The following IQCJ variants were observed in gnomAD, a reference collection of about 807,000 sequenced individuals.
IQCJ encodes IQ motif containing J.
IQCJ carries 9 observed loss-of-function variants against 11.0 expected under a neutral mutation model. The ratio of observed to expected loss-of-function variants is 0.82; its 90% confidence interval spans 0.49 to 1.43. The LOEUF (loss-of-function observed/expected upper bound fraction) is 1.43, where lower values mean the gene tolerates loss of function less well. Ranked by LOEUF, IQCJ falls within the 40% of genes most tolerant of loss-of-function variation. IQCJ has a pLI of 0.00. For synonymous variants in IQCJ, 55 were observed against 51.3 expected (o/e 1.07, Z -0.31); for missense variants, 146 against 133.2 (o/e 1.10, Z -0.47).
chr3:159,148,623 A>G (rs538680137), intron 1 of IQCJ, among the ~76,000 whole-genome samples: 1 of 152,320 alleles, frequency 6.6e-6, no homozygotes, highest in East Asian at 1.9e-4. Flanking sequence ...GAGAAGTCCT[A>G]TTTACCTCTT....
downstream of IQCJ, chr3:159,265,286 G>A (rs752786186): frequency 6.2e-7 from 1 of 1,613,742 alleles, no homozygotes; most frequent in African/African-American, 1.3e-5. Flanking sequence ...GGGACAAGTT[G>A]CCTGGTGGAA....
intron 1 of IQCJ, among the ~76,000 whole-genome samples, chr3:159,233,510 G>A (rs1418305633): frequency 6.6e-6 from 1 of 152,170 alleles, no homozygotes; most frequent in East Asian, 1.9e-4. Context: ...AAGAGTCTGA[G>A]ATACATAATA....
chr3:159,156,961 C>T (rs1450227314), intron 1 of IQCJ, among the ~76,000 whole-genome samples: 1 of 152,180 alleles, frequency 6.6e-6, no homozygotes, highest in African/African-American at 2.4e-5. Context: ...TAACCTACAC[C>T]TGGCTGTTTT....
intron 1 of IQCJ, among the ~76,000 whole-genome samples, chr3:159,091,648 A>ACACACACACACACACG (rs1717295435): frequency 2.5e-4 from 4 of 16,068 alleles, no homozygotes; most frequent in African/African-American, 6.6e-4. Context: ...AGGGGTATTT[A>ACACACACACACACACG]CACACACACA....
intron 1 of IQCJ, among the ~76,000 whole-genome samples, chr3:159,146,196 G>C (rs1199993566): frequency 1.3e-5 from 2 of 152,172 alleles, no homozygotes; most frequent in Non-Finnish European, 2.9e-5. Context: ...AAAGGCAGGA[G>C]CTGAACTTGG....
intron 1 of IQCJ, among the ~76,000 whole-genome samples, chr3:159,162,777 A>G (rs941150273): frequency 8.5e-5 from 13 of 152,372 alleles, no homozygotes; most frequent in African/African-American, 3.1e-4. Context: ...AACTACCGTC[A>G]GAGAATACTA....
chr3:159,149,206 T>C (rs73027690), intron 1 of IQCJ, among the ~76,000 whole-genome samples: 5,879 of 152,312 alleles, frequency 0.039, 394 homozygotes, highest in African/African-American at 0.13. Flanking sequence ...CAGATTCTGC[T>C]TTATTGACTG....
At chr3:159,249,171 C>A (rs146805642) in intron 2 of IQCJ, among the ~76,000 whole-genome samples, 1 of 151,982 alleles carries the variant, frequency 6.6e-6, no homozygotes, top group East Asian at 1.9e-4. Flanking sequence ...TTGATCTTAA[C>A]GTAGGAAATG....
intron 1 of IQCJ, among the ~76,000 whole-genome samples, chr3:159,079,053 A>G (rs1190079756): frequency 1.3e-5 from 2 of 152,068 alleles, no homozygotes; most frequent in Non-Finnish European, 2.9e-5. Flanking sequence ...GTCTACTTGG[A>G]GGTGACAGCC....
At chr3:159,154,559 AG>A (rs1377417671) in intron 1 of IQCJ, among the ~76,000 whole-genome samples, 3 of 152,130 alleles carry the variant, frequency 2.0e-5, no homozygotes, top group Admixed American at 6.5e-5. Flanking sequence ...CACCTCTACA[AG>A]GGGGCCTTCT....
intron 1 of IQCJ, among the ~76,000 whole-genome samples, chr3:159,179,840 G>A (rs555749787): frequency 6.6e-6 from 1 of 152,290 alleles, no homozygotes; most frequent in African/African-American, 2.4e-5. Context: ...AAGTGGAAGA[G>A]CCCAATTCAA....
chr3:159,069,613 G>A (rs1715404173), intron 1 of IQCJ, 172 bp downstream of exon 1: 1 of 828,126 alleles, frequency 1.2e-6, no homozygotes, highest in Admixed American at 2.8e-5. Context: ...ATGTGTCCTT[G>A]TTAATGTAGG....
At chr3:159,252,702 A>T (rs1459104579) in intron 2 of IQCJ, 25 bp from the exon 3 acceptor site, 4 of 1,604,240 alleles carry the variant, frequency 2.5e-6, no homozygotes, top group Middle Eastern at 3.3e-4. Context: ...ATTGGGAGAT[A>T]TTGAGACATT....
chr3:159,111,667 G>A (rs1233743765), intron 1 of IQCJ, among the ~76,000 whole-genome samples: 5 of 152,150 alleles, frequency 3.3e-5, no homozygotes, highest in Admixed American at 6.5e-5. Context: ...TCACATGGTG[G>A]AATGCATCTG....
At chr3:159,164,263 G>A (rs1245989123) in intron 1 of IQCJ, among the ~76,000 whole-genome samples, 1 of 152,060 alleles carries the variant, frequency 6.6e-6, no homozygotes, top group Non-Finnish European at 1.5e-5. Flanking sequence ...GAAACTCTCA[G>A]GTTATACTTC....
At chr3:159,211,600 G>A (rs1724954932) in intron 1 of IQCJ, among the ~76,000 whole-genome samples, 1 of 152,156 alleles carries the variant, frequency 6.6e-6, no homozygotes, top group Non-Finnish European at 1.5e-5. Flanking sequence ...AGTAAGAATG[G>A]CAATTGACAA....
downstream of IQCJ, chr3:159,263,800 A>T: frequency 1.3e-5 from 13 of 985,336 alleles, no homozygotes; most frequent in Non-Finnish European, 1.3e-5. Flanking sequence ...AGTTTATAGC[A>T]GTGCAAATAA....
At chr3:159,152,497 C>T (rs1375830007) in intron 1 of IQCJ, among the ~76,000 whole-genome samples, 2 of 152,170 alleles carry the variant, frequency 1.3e-5, no homozygotes, top group Non-Finnish European at 2.9e-5. Flanking sequence ...TAAAGTCAGA[C>T]TAAAGACCTG....
intron 1 of IQCJ, among the ~76,000 whole-genome samples, chr3:159,233,457 G>A (rs535691610): frequency 6.6e-6 from 1 of 152,300 alleles, no homozygotes; most frequent in South Asian, 2.1e-4. Context: ...AATGGGTTGA[G>A]AGTGAGCCAG....
Sources: gnomAD v4.1 joint callset for allele counts (sites outside exome capture counted in the v4.1 genomes callset) on GRCh38, gnomAD v4.1.1 for gene constraint, MANE v1.5 for transcripts, NCBI Gene and HGNC (gene_info 2026-07-23, HGNC 2026-07-21) for gene names.